HDAC8: variants seen among roughly 807,000 people sequenced by gnomAD.
The protein encoded by HDAC8 is histone deacetylase-like 1.
HDAC8 carries 1 observed loss-of-function variant against 32.2 expected under a neutral mutation model. The observed-to-expected ratio is 0.03, with a 90% CI of 0.01 to 0.15. The LOEUF (loss-of-function observed/expected upper bound fraction) is 0.15, where lower values mean the gene tolerates loss of function less well. HDAC8 is among the 10% of genes least tolerant of loss of function. The pLI, the probability that HDAC8 is intolerant of heterozygous loss-of-function variation, is 1.00. For synonymous variants in HDAC8, 108 were observed against 113.9 expected (o/e 0.95, Z 0.33); for missense variants, 117 against 300.0 (o/e 0.39, Z 4.51).
chrX:72,329,698 C>T lies in HDAC8; in HGVS notation c.*356G>A, dbSNP rs1178122563. 8.4e-7 allele frequency: 1 copy of T among 1,188,365 alleles called. No homozygotes were observed. The highest frequency in any genetic ancestry group is 2.3e-5 in the Admixed American group (1 of 42,853). On this transcript the variant is annotated 3_prime_UTR_variant, in exon 11 of 11. Coordinates refer to ENST00000373573, the MANE Select transcript of HDAC8 (RefSeq NM_018486.3). ...CCTGCCCTACAAACTGGTGACTGCTCTCATCCAGCTTCTGATCTGTTTCAT... is the reference window on the plus strand; with the variant it reads ...CCTGCCCTACAAACTGGTGACTGCTTTCATCCAGCTTCTGATCTGTTTCAT...
At chrX:72,562,462 T>C (rs1460142811) in intron 4 of HDAC8, among the ~76,000 whole-genome samples, 2 of 111,658 alleles carry the variant, frequency 1.8e-5, no homozygotes, top group Non-Finnish European at 3.8e-5. Context: ...TTCTCATTCA[T>C]GTGGAAGATG....
intron 4 of HDAC8, among the ~76,000 whole-genome samples, chrX:72,526,185 T>G (rs2050147287): frequency 9.0e-6 from 1 of 111,657 alleles, no homozygotes; most frequent in Non-Finnish European, 1.9e-5. Context: ...TATTTTGTGC[T>G]CTAGCAATAC....
At chrX:72,529,952 A>G (rs1437518790) in intron 4 of HDAC8, among the ~76,000 whole-genome samples, 1 of 111,863 alleles carries the variant, frequency 8.9e-6, no homozygotes, top group Non-Finnish European at 1.9e-5. Flanking sequence ...CTCCATGGTA[A>G]CATGTGCTTT....
intron 10 of HDAC8, among the ~76,000 whole-genome samples, chrX:72,348,061 T>A (rs1245440729): frequency 8.9e-6 from 1 of 112,290 alleles, no homozygotes; most frequent in Non-Finnish European, 1.9e-5. Flanking sequence ...GTAAGATGAA[T>A]CTTCTCAGGT....
intron 9 of HDAC8, among the ~76,000 whole-genome samples, chrX:72,422,935 C>T (rs2046533341): frequency 9.0e-6 from 1 of 111,538 alleles, no homozygotes; most frequent in African/African-American, 3.3e-5. Flanking sequence ...AGGCTGCTGT[C>T]TTCAATACTG....
intron 9 of HDAC8, among the ~76,000 whole-genome samples, chrX:72,388,595 TACACACACACACACACACAC>T (rs59374504): frequency 1.1e-5 from 1 of 88,383 alleles, no homozygotes; most frequent in East Asian, 3.8e-4. Flanking sequence ...CCACAGTGAT[TACACACACACACACACACAC>T]ACACACACAC....
intron 9 of HDAC8, among the ~76,000 whole-genome samples, chrX:72,376,619 A>G (rs1487932461): frequency 9.0e-6 from 1 of 110,809 alleles, no homozygotes; most frequent in Non-Finnish European, 1.9e-5. Context: ...GGGTTTCACC[A>G]TGTTGGCCAG....
chrX:72,523,507 T>A (rs1464124910), intron 4 of HDAC8, among the ~76,000 whole-genome samples: 1 of 111,532 alleles, frequency 9.0e-6, no homozygotes, highest in East Asian at 2.8e-4. Flanking sequence ...TACTTCTTTA[T>A]GGTTCCCTTC....
chrX:72,568,862 A>T lies in HDAC8; in HGVS notation c.187T>A (p.Ser63Thr). The T allele has an allele frequency of 8.3e-7, 1 of 1,209,347 alleles. No individual in the cohort carries two copies. Among genetic ancestry groups the T allele is most frequent in the Non-Finnish European group, 1.1e-6 (1 of 894,324 alleles). The stretch of plus-strand genomic sequence containing the variant: ...TGGAAGGTGGCCATCTCCTCCATGG[A>T]GGCCACTTTAGGCTTAACTATCCTA... ...QMRIVKPKVASMEEMATFHTD... is the reference protein window; with the variant it reads ...QMRIVKPKVATMEEMATFHTD... The change falls in exon 3 of 11, where the codon TCC becomes ACC. Residue 63 changes from serine (S) to threonine (T), a missense_variant. This residue lies in a region of HDAC8 where 37 missense variants were observed against 53.1 expected (regional missense o/e 0.70). Transcript: ENST00000373573.
intron 9 of HDAC8, among the ~76,000 whole-genome samples, chrX:72,386,842 C>G (rs782429174): frequency 3.6e-5 from 4 of 111,788 alleles, no homozygotes; most frequent in African/African-American, 1.3e-4. Context: ...AAAATCTAAA[C>G]AAAACAGCAC....
At chrX:72,475,452 A>G (rs1481944627) in intron 7 of HDAC8, among the ~76,000 whole-genome samples, 1 of 111,909 alleles carries the variant, frequency 8.9e-6, no homozygotes, top group Non-Finnish European at 1.9e-5. Context: ...TTCCATAGGT[A>G]TGTTTTCTCT....
chrX:72,398,939 G>T (rs1602688398), intron 9 of HDAC8, among the ~76,000 whole-genome samples: 1 of 109,512 alleles, frequency 9.1e-6, no homozygotes, highest in East Asian at 2.8e-4. Flanking sequence ...CTAGCATTTG[G>T]GGCAGGACAA....
intron 7 of HDAC8, among the ~76,000 whole-genome samples, chrX:72,483,227 T>C (rs956556345): frequency 2.7e-5 from 3 of 111,741 alleles, no homozygotes; most frequent in Non-Finnish European, 5.6e-5. Flanking sequence ...TTGATATAGT[T>C]TGAATGTGTG....
At chrX:72,342,637 G>A (rs1259735768) in intron 10 of HDAC8, among the ~76,000 whole-genome samples, 1 of 111,745 alleles carries the variant, frequency 8.9e-6, no homozygotes, top group Non-Finnish European at 1.9e-5. Context: ...CATGTACTTC[G>A]GGCACACAAG....
intron 1 of HDAC8, 87 bp downstream of exon 1, chrX:72,572,564 T>G: frequency 1.6e-6 from 1 of 636,093 alleles, no homozygotes; most frequent in South Asian, 2.9e-5. Flanking sequence ...CCCAGCCCAG[T>G]GTCCTCTCCG....
chrX:72,558,555 C>A (rs182452266), intron 4 of HDAC8, among the ~76,000 whole-genome samples: 32 of 111,287 alleles, frequency 2.9e-4, no homozygotes, highest in Non-Finnish European at 9.4e-5. Flanking sequence ...ATTAAAACCC[C>A]GAGCAAAATT....
intron 4 of HDAC8, among the ~76,000 whole-genome samples, chrX:72,534,586 G>A (rs1556038036): frequency 9.0e-6 from 1 of 111,504 alleles, no homozygotes; most frequent in Non-Finnish European, 1.9e-5. Flanking sequence ...TGGGATTACA[G>A]GCATAAGCCA....
At chrX:72,385,475 A>G (rs1555961165) in intron 9 of HDAC8, among the ~76,000 whole-genome samples, 1 of 110,689 alleles carries the variant, frequency 9.0e-6, no homozygotes, top group Non-Finnish European at 1.9e-5. Flanking sequence ...AACCAAAACC[A>G]AAACGAAAAA....
At chrX:72,350,427 G>A (rs2044145418) in intron 10 of HDAC8, among the ~76,000 whole-genome samples, 1 of 111,574 alleles carries the variant, frequency 9.0e-6, no homozygotes, top group Non-Finnish European at 1.9e-5. Context: ...AAGACTCTCC[G>A]AGTGTAGTGT....
Sources: allele counts gnomAD v4.1 joint callset (sites outside exome capture counted in the v4.1 genomes callset), GRCh38; gene constraint gnomAD v4.1.1; regional missense constraint gnomAD v4.1.1; transcripts MANE v1.5; gene names NCBI Gene and HGNC (gene_info 2026-07-23, HGNC 2026-07-21).